The following PIK3R1 variants were observed in gnomAD, a reference collection of about 807,000 sequenced individuals.
PIK3R1 encodes the protein phosphatidylinositol 3-kinase regulatory subunit alpha.
PIK3R1 carries 29 observed loss-of-function variants against 98.0 expected under a neutral mutation model. That is an observed-to-expected ratio of 0.30 (90% CI 0.22 to 0.40). The LOEUF is 0.40. Ranked by LOEUF, PIK3R1 falls within the 10% of genes least tolerant of loss-of-function variation. The pLI is 1.00. For synonymous variants in PIK3R1, 282 were observed against 311.8 expected, an observed-to-expected ratio of 0.90 and a Z score of 1.01; for missense variants, 596 against 872.7, an observed-to-expected ratio of 0.68 and a Z score of 3.99.
At chr5:68,243,712 A>G (rs1216949586) in intron 2 of PIK3R1, among the ~76,000 whole-genome samples, 1 of 152,232 alleles carries the variant, frequency 6.6e-6, no homozygotes, top group Non-Finnish European at 1.5e-5. Flanking sequence ...CCAGGGCTTC[A>G]GCATAAAGCA....
chr5:68,247,745 G>T (rs530368563), intron 2 of PIK3R1, among the ~76,000 whole-genome samples: 1 of 152,022 alleles, frequency 6.6e-6, no homozygotes, highest in Non-Finnish European at 1.5e-5. Context: ...TTCTAACTCT[G>T]TTGTTAGTTT....
chr5:68,228,213 CCTT>C (rs1744353108), intron 2 of PIK3R1, among the ~76,000 whole-genome samples: 1 of 152,130 alleles, frequency 6.6e-6, no homozygotes, highest in African/African-American at 2.4e-5. Flanking sequence ...AGCTATTATA[CCTT>C]CTTTAATGTT....
intron 2 of PIK3R1, among the ~76,000 whole-genome samples, chr5:68,233,191 C>T (rs1744546973): frequency 1.3e-5 from 2 of 152,210 alleles, no homozygotes; most frequent in African/African-American, 2.4e-5. Flanking sequence ...AATGTGACAT[C>T]ATTTACATAT....
intron 2 of PIK3R1, among the ~76,000 whole-genome samples, chr5:68,245,317 T>C (rs1745040932): frequency 6.6e-6 from 1 of 152,166 alleles, no homozygotes. Flanking sequence ...TATGCTTTTT[T>C]TTTAAAAAAA....
At chr5:68,227,614 G>T (rs1424372864) in intron 2 of PIK3R1, among the ~76,000 whole-genome samples, 1 of 152,182 alleles carries the variant, frequency 6.6e-6, no homozygotes, top group Non-Finnish European at 1.5e-5. Flanking sequence ...GAAAAATGTA[G>T]AGAGTAATAA....
At chr5:68,242,668 T>TGGG (rs1368568469) in intron 2 of PIK3R1, among the ~76,000 whole-genome samples, 1 of 152,136 alleles carries the variant, frequency 6.6e-6, no homozygotes, top group African/African-American at 2.4e-5. Context: ...ACCTGTGAAA[T>TGGG]GGGAGGTATG....
chr5:68,257,056 G>T (rs1745547252), intron 2 of PIK3R1, among the ~76,000 whole-genome samples: 1 of 152,184 alleles, frequency 6.6e-6, no homozygotes, highest in Admixed American at 6.5e-5. Context: ...ACCTTTCATG[G>T]TCCAGTCTGA....
rs1248513475 is a variant in PIK3R1 at position 68,301,477 on chromosome 5, CAT to C, written c.*3881_*3882del. 2.7e-5 allele frequency: 2 copies of C among 74,150 alleles called. No individual in the cohort carries two copies. The highest frequency in any genetic ancestry group is 1.0e-4 in the African/African-American group (2 of 19,222). The allele number at this position is 74,150 out of a possible 1,614,324, so 4.6% of individuals were successfully genotyped here. ...ATATGTGTATATATATATGTATATA[CAT>C]ATATGTATATATATGCACATATATA... is the stretch of plus-strand genomic sequence containing the variant. On this transcript the variant is annotated 3_prime_UTR_variant, in exon 16 of 16. Transcript: ENST00000521381.
chr5:68,256,779 T>G (rs1383468091), intron 2 of PIK3R1, among the ~76,000 whole-genome samples: 3 of 150,748 alleles, frequency 2.0e-5, no homozygotes, highest in Non-Finnish European at 4.4e-5. Flanking sequence ...AAAAAAAAAG[T>G]TTGGGAAAGA....
intron 2 of PIK3R1, among the ~76,000 whole-genome samples, chr5:68,238,306 C>T (rs1744741017): frequency 6.6e-6 from 1 of 152,172 alleles, no homozygotes; most frequent in South Asian, 2.1e-4. Context: ...TAGGTCTTTC[C>T]TTGTTTAGTG....
chr5:68,232,858 G>A (rs1744534034), intron 2 of PIK3R1, among the ~76,000 whole-genome samples: 1 of 152,162 alleles, frequency 6.6e-6, no homozygotes, highest in African/African-American at 2.4e-5. Flanking sequence ...TCAAATAGGA[G>A]TTATTTAATT....
chr5:68,250,512 G>T (rs750677169), intron 2 of PIK3R1, among the ~76,000 whole-genome samples: 7 of 152,188 alleles, frequency 4.6e-5, no homozygotes, highest in Admixed American at 1.3e-4. Flanking sequence ...AGTTTTCCAT[G>T]TTTGTTTACT....
rs1280756182 is a variant in PIK3R1, at chr5:68,273,538, C to G, written c.427+56C>G. On this transcript the variant is annotated intron_variant, in intron 3 of 15. Transcript: ENST00000521381. The stretch of plus-strand genomic sequence containing the variant: ...TTTGTTCTACCCTTATTTCATGGCT[C>G]TTATTATTTGTCTCTTGTGCATTCA... 2.2e-6 allele frequency: 3 copies of G among 1,376,168 alleles called. No individual in the cohort carries two copies. In the East Asian group the frequency reaches 6.9e-5, roughly 31 times the overall value. 85.2% of individuals were successfully genotyped at this position (1,376,168 alleles called of 1,614,324 possible).
rs200048249 is a variant in PIK3R1 at position 68,295,109 on chromosome 5, G to C, written c.1569-39G>C. On this transcript the variant is annotated intron_variant, in intron 12 of 15. Coordinates refer to ENST00000521381, the MANE Select transcript of PIK3R1 (RefSeq NM_181523.3). ...ATAAACTTTGGGGACCGTTCCTGAT[G>C]TACCCAGATAATAACAAATACGTTT... The C allele has an allele frequency of 4.2e-5, 66 of 1,572,732 alleles. No individual in the cohort carries two copies. The African/African-American group carries it at 8.5e-4, about 20-fold the overall frequency.
intron 1 of PIK3R1, among the ~76,000 whole-genome samples, chr5:68,218,998 A>C (rs1194067593): frequency 6.6e-6 from 1 of 152,176 alleles, no homozygotes; most frequent in Non-Finnish European, 1.5e-5. Context: ...ATTACTTGCC[A>C]TGATTCTGCC....
chr5:68,279,773 T>C (rs781738875), intron 5 of PIK3R1, 40 bp downstream of exon 5: 2 of 1,602,168 alleles, frequency 1.2e-6, no homozygotes, highest in Non-Finnish European at 1.7e-6. Flanking sequence ...TGAACATACA[T>C]GGAGATGTAG....
At position 68,300,318 on chromosome 5, in the gene PIK3R1, G is replaced by A. The variant is rs1349712799; in HGVS notation, c.*2717G>A. ...CTTGCCCACCGCATTTGTCGTTTTA[G>A]ATACTTTGCTAGCCGGCCACTTTGG... On this transcript the variant is annotated 3_prime_UTR_variant, in exon 16 of 16. Transcript: ENST00000521381. 1 of 232,942 alleles carries A rather than the reference G, an allele frequency of 4.3e-6. No homozygotes were observed. The highest frequency in any genetic ancestry group is 2.2e-5 in the African/African-American group (1 of 45,316). The allele number at this position is 232,942 out of a possible 1,614,324, so 14.4% of individuals were successfully genotyped here.
intron 2 of PIK3R1, among the ~76,000 whole-genome samples, chr5:68,253,082 T>C (rs1168509288): frequency 6.6e-6 from 1 of 152,224 alleles, no homozygotes; most frequent in Non-Finnish European, 1.5e-5. Context: ...TTATCTACGT[T>C]GCATTTTTAT....
At chr5:68,244,933 T>C (rs781129833) in intron 2 of PIK3R1, among the ~76,000 whole-genome samples, 15 of 152,178 alleles carry the variant, frequency 9.9e-5, no homozygotes, top group Non-Finnish European at 1.6e-4. Flanking sequence ...CTGCATCCCC[T>C]TGGCACAAGG....
Sources: gnomAD v4.1 joint callset for allele counts (sites outside exome capture counted in the v4.1 genomes callset) on GRCh38, gnomAD v4.1.1 for gene constraint, MANE v1.5 for transcripts, NCBI Gene and HGNC (gene_info 2026-07-23, HGNC 2026-07-21) for gene names.